Variants in R3HDM1 observed in about 807,000 individuals in gnomAD.
The protein encoded by R3HDM1 is R3H domain containing 1, also known as R3H domain-containing protein 1.
R3HDM1 carries 46 observed loss-of-function variants against 141.1 expected under a neutral mutation model. That is an observed-to-expected ratio of 0.33 (90% CI 0.26 to 0.42). R3HDM1 has a LOEUF of 0.42. Among genes scored for constraint, R3HDM1 ranks in the 10% least tolerant of loss-of-function variants. The pLI, the probability that R3HDM1 is intolerant of heterozygous loss-of-function variation, is 1.00. For synonymous variants in R3HDM1, 435 were observed against 472.9 expected, an observed-to-expected ratio of 0.92 and a Z score of 1.04; for missense variants, 1,184 against 1,368.3, an observed-to-expected ratio of 0.87 and a Z score of 2.12.
chr2:135,643,597 G>T (rs971764197), intron 15 of R3HDM1, among the ~76,000 whole-genome samples: 1 of 152,100 alleles, frequency 6.6e-6, no homozygotes, highest in South Asian at 2.1e-4. Flanking sequence ...TTTTAGTAAA[G>T]AAAAATACTA....
chr2:135,635,806 T>G, intron 9 of R3HDM1, 84 bp from the exon 10 acceptor site: 1 of 1,470,666 alleles, frequency 6.8e-7, no homozygotes, highest in Non-Finnish European at 9.1e-7. Flanking sequence ...TTTATTTCTT[T>G]TCATAAAATG....
intron 9 of R3HDM1, among the ~76,000 whole-genome samples, chr2:135,635,474 T>A (rs947442530): frequency 6.6e-6 from 1 of 152,206 alleles, no homozygotes; most frequent in Non-Finnish European, 1.5e-5. Context: ...AACTTCTGAG[T>A]GTTTACTGTT....
chr2:135,624,117 C>T (rs901844930), intron 7 of R3HDM1, among the ~76,000 whole-genome samples: 17 of 152,110 alleles, frequency 1.1e-4, no homozygotes, highest in African/African-American at 3.6e-4. Flanking sequence ...TGGTAAAGGT[C>T]GGGCGCAGTG....
intron 1 of R3HDM1, among the ~76,000 whole-genome samples, chr2:135,541,862 A>T (rs1014309870): frequency 6.6e-6 from 1 of 150,376 alleles, no homozygotes; most frequent in African/African-American, 2.5e-5. Context: ...AAAAAAAAAA[A>T]AAAAAAAAAG....
At chr2:135,682,751 C>G (rs544699015) in intron 21 of R3HDM1, among the ~76,000 whole-genome samples, 1 of 152,332 alleles carries the variant, frequency 6.6e-6, no homozygotes, top group Non-Finnish European at 1.5e-5. Flanking sequence ...AATCCCAGCA[C>G]TTTGGGAAGC....
intron 3 of R3HDM1, 75 bp from the exon 4 acceptor site, chr2:135,616,077 T>G: frequency 7.0e-7 from 1 of 1,438,000 alleles, no homozygotes; most frequent in Non-Finnish European, 9.8e-7. Flanking sequence ...TTTTCTGTGG[T>G]TTAGGACTAT....
At chr2:135,707,739 G>A (rs554086348) in intron 21 of R3HDM1, among the ~76,000 whole-genome samples, 3 of 152,010 alleles carry the variant, frequency 2.0e-5, no homozygotes, top group Non-Finnish European at 4.4e-5. Flanking sequence ...CCTCAATTTC[G>A]GCACATTTAC....
At position 135,721,909 on chromosome 2, in the gene R3HDM1, T is replaced by C; in HGVS notation, c.2882-15T>C. The C allele has an allele frequency of 5.6e-6, 9 of 1,606,528 alleles. No homozygotes were observed. The highest frequency in any genetic ancestry group is 7.7e-6 in the Non-Finnish European group (9 of 1,173,548). Reference sequence around the variant, plus strand: ...GGCCTCTGGCAATAAAATAAAATATTTTATTGACTTTCAGGAGATTCCAGG... The same window carrying C: ...GGCCTCTGGCAATAAAATAAAATATCTTATTGACTTTCAGGAGATTCCAGG... On this transcript the variant is annotated splice_polypyrimidine_tract_variant and intron_variant, in intron 24 of 26. Transcript: ENST00000683871.
chr2:135,630,217 T>C (rs781003860), intron 7 of R3HDM1, among the ~76,000 whole-genome samples: 24 of 130,946 alleles, frequency 1.8e-4, no homozygotes, highest in Non-Finnish European at 3.1e-4. Context: ...GCGGAGGTAG[T>C]AGTGAGCCGA....
Position 135,722,518 on chromosome 2 carries a change from A to G in R3HDM1, c.3014A>G (p.Lys1005Arg). 1.2e-6 allele frequency: 2 copies of G among 1,613,776 alleles called. No individual in the cohort carries two copies. Among genetic ancestry groups the G allele is most frequent in the Non-Finnish European group, 1.7e-6 (2 of 1,180,004 alleles). Residue 1005 changes from lysine (K) to arginine (R), a missense_variant, in exon 26 of 27, where the codon AAA becomes AGA. Physicochemically the swap from Lys to Arg is conservative, Grantham distance 26. Around this residue, in one of 5 missense-constraint regions of R3HDM1, gnomAD observed 182 missense variants for 252.6 expected, o/e 0.72. Transcript: ENST00000683871. The part of the protein sequence containing the change: ...HGNRGRRQAK[K>R]AASTDLGAGE... ...AACCGAGGAAGGAGACAAGCTAAAA[A>G]AGCTGCATCCACAGACCTTGGAGCA...
At chr2:135,542,735 A>G (rs1472561277) in intron 1 of R3HDM1, among the ~76,000 whole-genome samples, 1 of 152,204 alleles carries the variant, frequency 6.6e-6, no homozygotes, top group Non-Finnish European at 1.5e-5. Flanking sequence ...CTTAAGTTAC[A>G]CTATGGTTAC....
chr2:135,638,689 G>A (rs745971032), intron 12 of R3HDM1, 34 bp downstream of exon 12: 7 of 1,611,518 alleles, frequency 4.3e-6, no homozygotes, highest in South Asian at 2.2e-5. Flanking sequence ...TTTGGTAATT[G>A]TCTGACTGAT....
At chr2:135,623,061 A>C (rs183592796) in intron 7 of R3HDM1, 2 of 974,084 alleles carry the variant, frequency 2.1e-6, no homozygotes, top group Non-Finnish European at 2.4e-6. Context: ...ACTCAACCAA[A>C]TAAGAACTTA....
At chr2:135,568,305 C>T (rs541681935) in intron 1 of R3HDM1, among the ~76,000 whole-genome samples, 9 of 152,174 alleles carry the variant, frequency 5.9e-5, no homozygotes, top group Non-Finnish European at 1.0e-4. Flanking sequence ...ACCTTGGCCT[C>T]CCAAAGTGCT....
intron 1 of R3HDM1, among the ~76,000 whole-genome samples, chr2:135,541,940 G>T (rs1270962035): frequency 4.1e-4 from 62 of 151,788 alleles, no homozygotes; most frequent in Non-Finnish European, 4.4e-5. Flanking sequence ...CCCAAAATGT[G>T]TGAGACCAGA....
At chr2:135,701,223 CAAAAAAAAAA>C (rs748354211) in intron 21 of R3HDM1, among the ~76,000 whole-genome samples, 29 of 82,420 alleles carry the variant, frequency 3.5e-4, no homozygotes, top group African/African-American at 6.9e-4. Context: ...TCATCTCTAC[CAAAAAAAAAA>C]AAAAAAAAAA....
chr2:135,663,776 C>A (rs1466321777), intron 19 of R3HDM1, among the ~76,000 whole-genome samples: 1 of 152,100 alleles, frequency 6.6e-6, no homozygotes, highest in Non-Finnish European at 1.5e-5. Context: ...CCTGTAATCC[C>A]ACCACTCTGG....
chr2:135,559,914 T>C (rs951240298), intron 1 of R3HDM1, among the ~76,000 whole-genome samples: 3 of 152,168 alleles, frequency 2.0e-5, no homozygotes, highest in Admixed American at 1.3e-4. Flanking sequence ...ATTTATGCTA[T>C]GCGCAGTAGA....
chr2:135,646,097 A>G (rs1278825251), intron 16 of R3HDM1, among the ~76,000 whole-genome samples: 1 of 151,794 alleles, frequency 6.6e-6, no homozygotes, highest in Non-Finnish European at 1.5e-5. Context: ...ATCTTTGGGG[A>G]ACTTGACTAT....
Sources: allele counts gnomAD v4.1 joint callset (sites outside exome capture counted in the v4.1 genomes callset), GRCh38; gene constraint gnomAD v4.1.1; regional missense constraint gnomAD v4.1.1; transcripts MANE v1.5; gene names NCBI Gene and HGNC (gene_info 2026-07-23, HGNC 2026-07-21).